CLSTN1: variants seen among roughly 807,000 people sequenced by gnomAD.
CLSTN1 encodes the protein calsyntenin-1.
Under a neutral mutation model 108.3 loss-of-function variants are expected in CLSTN1, and 28 were observed. The observed-to-expected ratio is 0.26, with a 90% CI of 0.19 to 0.35. The LOEUF is 0.35. Among genes scored for constraint, CLSTN1 ranks in the 10% least tolerant of loss-of-function variants. CLSTN1 has a pLI of 1.00. For missense variants in CLSTN1, 1,157 were observed against 1,302.6 expected (o/e 0.89, Z 1.72); for synonymous variants, 524 against 534.9 (o/e 0.98, Z 0.28).
intron 4 of CLSTN1, among the ~76,000 whole-genome samples, chr1:9,753,767 A>G (rs965332913): frequency 6.6e-6 from 1 of 152,100 alleles, no homozygotes; most frequent in Non-Finnish European, 1.5e-5. Context: ...TCGGCCTCCC[A>G]AAGTGCTGGG....
At chr1:9,769,592 T>C (rs1298482550) in intron 2 of CLSTN1, among the ~76,000 whole-genome samples, 2 of 152,170 alleles carry the variant, frequency 1.3e-5, no homozygotes, top group Non-Finnish European at 2.9e-5. Flanking sequence ...TCTGTAGTGG[T>C]AGCCAGGGCT....
chr1:9,735,370 T>A (rs1236773201), intron 13 of CLSTN1, 97 bp downstream of exon 13: 1 of 1,532,776 alleles, frequency 6.5e-7, no homozygotes, highest in African/African-American at 1.4e-5. Flanking sequence ...ACACGATGGC[T>A]CACCTTTCCT....
intron 4 of CLSTN1, 40 bp from the exon 5 acceptor site, chr1:9,751,721 T>C: frequency 1.3e-6 from 2 of 1,579,062 alleles, no homozygotes; most frequent in Non-Finnish European, 1.7e-6. Context: ...TCTGCTTGTT[T>C]TCAGTGTGAG....
At chr1:9,748,295 C>T (rs952656900) in intron 7 of CLSTN1, among the ~76,000 whole-genome samples, 1 of 152,138 alleles carries the variant, frequency 6.6e-6, no homozygotes, top group African/African-American at 2.4e-5. Flanking sequence ...TTTAGATAAA[C>T]CAGAAAAATA....
chr1:9,745,104 A>G (rs1651188356), intron 7 of CLSTN1, among the ~76,000 whole-genome samples: 1 of 152,134 alleles, frequency 6.6e-6, no homozygotes, highest in African/African-American at 2.4e-5. Context: ...AAAAATAAAA[A>G]TAACAACCAT....
intron 7 of CLSTN1, among the ~76,000 whole-genome samples, chr1:9,746,060 G>A (rs764275617): frequency 3.3e-5 from 5 of 152,030 alleles, no homozygotes; most frequent in African/African-American, 4.8e-5. Flanking sequence ...GAGCCACCGC[G>A]CTCGGCCTGA....
intron 2 of CLSTN1, among the ~76,000 whole-genome samples, chr1:9,764,765 G>A (rs1652245767): frequency 6.6e-6 from 1 of 151,310 alleles, no homozygotes; most frequent in South Asian, 2.1e-4. Flanking sequence ...TGAACTACAA[G>A]TTTCCTAGTA....
chr1:9,743,846 C>G, intron 9 of CLSTN1, 38 bp downstream of exon 9: 102 of 1,610,902 alleles, frequency 6.3e-5, no homozygotes, highest in Non-Finnish European at 8.7e-5. Context: ...GTGTGAGCAC[C>G]TTGCCCGGCC....
intron 2 of CLSTN1, among the ~76,000 whole-genome samples, chr1:9,769,132 A>AGAGGGAGAGAGG (rs1652539253): frequency 8.0e-6 from 1 of 124,384 alleles, no homozygotes; most frequent in Admixed American, 8.7e-5. Context: ...GAAGGAAATG[A>AGAGGGAGAGAGG]GAGGGAGAGA....
chr1:9,777,217 C>CAAAAAA lies in CLSTN1; in HGVS notation c.92-3829_92-3824dup, dbSNP rs1183664020. Among the ~76,000 whole-genome samples, 132 of 51,140 alleles carry CAAAAAA rather than the reference C, an allele frequency of 2.6e-3. 4 individuals carry two copies. The East Asian group carries it at 0.033, about 13-fold the overall frequency. 33.5% of individuals were successfully genotyped at this position (51,140 alleles called of 152,430 possible). A position where few individuals can be genotyped will look rare whatever the true frequency, so the allele number is the denominator to read the frequency against. ...CCTGGGCGACAGAGCGAGACTGTCT[C>CAAAAAA]AAAAAAAAAAAAAAAAAAAAGCCTG... On this transcript the variant is annotated intron_variant, in intron 1 of 18. Transcript: ENST00000377298.
chr1:9,765,569 C>A (rs1368307753), intron 2 of CLSTN1, among the ~76,000 whole-genome samples: 2 of 150,918 alleles, frequency 1.3e-5, no homozygotes, highest in African/African-American at 4.9e-5. Flanking sequence ...AACGGAGACT[C>A]CATCTCAAAA....
In CLSTN1 at chr1:9,749,855, G is replaced by A. The variant is rs747663404; in HGVS notation, c.708C>T (p.Thr236=). 16 of 1,613,696 alleles carry A rather than the reference G, an allele frequency of 9.9e-6. No homozygotes were observed. In the South Asian group the frequency reaches 1.1e-4, roughly 11 times the overall value. Residue 236 remains threonine, a synonymous_variant, in exon 6 of 19, where the codon ACC becomes ACT. Transcript: ENST00000377298. ...NYGKEHQYKL[T]VTAYDCGKKR... is the part of the protein sequence containing the mutation. Reference sequence around the variant, plus strand: ...TCTTCCCACAGTCATAGGCAGTGACGGTCAGCTTATATTGATGTTCTTTCC... The same window carrying A: ...TCTTCCCACAGTCATAGGCAGTGACAGTCAGCTTATATTGATGTTCTTTCC...
At chr1:9,741,357 G>T in intron 9 of CLSTN1, 101 bp from the exon 10 acceptor site, 1 of 1,167,822 alleles carries the variant, frequency 8.6e-7, no homozygotes, top group Non-Finnish European at 1.2e-6. Flanking sequence ...CTTCCTAGGA[G>T]GAAAAGGATG....
At position 9,791,656 on chromosome 1, in the gene CLSTN1, T is replaced by C. The variant is rs534056638; in HGVS notation, c.92-18262A>G. The stretch of plus-strand genomic sequence containing the variant: ...AAACAATTCTCCTGCCTCAGCCTCC[T>C]GAGAAGTTGGGATTACAGGTGCCCA... On this transcript the variant is annotated intron_variant, in intron 1 of 18. Transcript: ENST00000377298. Among the ~76,000 whole-genome samples the C allele has an allele frequency of 4.2e-3, 641 of 151,306 alleles. 33 individuals carry two copies. In the East Asian group the frequency reaches 0.046, roughly 11 times the overall value.
At chr1:9,731,013 C>CT in intron 18 of CLSTN1, 193 bp downstream of exon 18, 1 of 678,858 alleles carries the variant, frequency 1.5e-6, no homozygotes, top group Non-Finnish European at 2.5e-6. Context: ...CTTCTCTACA[C>CT]TTAAGGCAGA....
intron 15 of CLSTN1, 117 bp from the exon 16 acceptor site, chr1:9,733,663 G>A (rs1211410973): frequency 4.0e-6 from 5 of 1,239,030 alleles, no homozygotes; most frequent in South Asian, 4.0e-5. Context: ...AGGCCAAGGG[G>A]TCACACAAGT....
Position 9,756,685 on chromosome 1 carries a change from A to T in CLSTN1, c.215-175T>A, listed in dbSNP as rs973541271. On this transcript the variant is annotated intron_variant, in intron 2 of 18. Transcript: ENST00000377298. ...CTTCAGGAACAAAATGTCACTTTGA[A>T]TCCAACTTACCATGAACTACTGCAT... 1.1e-4 allele frequency among the ~76,000 whole-genome samples: 16 copies of T among 152,244 alleles called. 1 individual carries two copies.
At chr1:9,737,882 G>T (rs991777601) in intron 10 of CLSTN1, among the ~76,000 whole-genome samples, 27 of 152,098 alleles carry the variant, frequency 1.8e-4, no homozygotes, top group African/African-American at 6.0e-4. Context: ...TATGAAGTAG[G>T]ACACTCCACA....
rs189288705 is a variant in CLSTN1 at position 9,813,509 on chromosome 1, A to C, written c.91+10134T>G. Among the ~76,000 whole-genome samples, 814 of 152,066 alleles carry C rather than the reference A, an allele frequency of 5.4e-3. 7 individuals are homozygous for C. The highest frequency in any genetic ancestry group is 0.019 in the African/African-American group (779 of 41,492). On this transcript the variant is annotated intron_variant, in intron 1 of 18. Transcript: ENST00000377298. The stretch of plus-strand genomic sequence containing the variant: ...GCAAGACTCTGTCTCAAAAAAAAAA[A>C]AAAGAAAGAAAGAAAAAGAAAAACA...
Sources: gnomAD v4.1 joint callset for allele counts (sites outside exome capture counted in the v4.1 genomes callset) on GRCh38, gnomAD v4.1.1 for gene constraint, MANE v1.5 for transcripts, NCBI Gene and HGNC (gene_info 2026-07-23, HGNC 2026-07-21) for gene names.